IGSF3: variants seen among roughly 807,000 people sequenced by gnomAD.
IGSF3 encodes glu-Trp-Ile EWI motif-containing protein 3.
A neutral mutation model predicts 114.4 loss-of-function variants in IGSF3; 23 were observed. The observed-to-expected ratio is 0.20, with a 90% CI of 0.14 to 0.28. The LOEUF is 0.28. Ranked by LOEUF, IGSF3 falls within the 10% of genes least tolerant of loss-of-function variation. IGSF3 has a pLI of 1.00. For missense variants in IGSF3, 1,172 were observed against 1,591.5 expected, an observed-to-expected ratio of 0.74 and a Z score of 4.48; for synonymous variants, 571 against 645.2, an observed-to-expected ratio of 0.88 and a Z score of 1.74.
At chr1:116,640,115 C>G (rs953291826) in intron 2 of IGSF3, among the ~76,000 whole-genome samples, 1 of 142,216 alleles carries the variant, frequency 7.0e-6, no homozygotes, top group African/African-American at 2.6e-5. Flanking sequence ...GATTAAATAA[C>G]AAAAAATGCC....
At position 116,582,938 on chromosome 1, in the gene IGSF3, C is replaced by T. The variant is rs949446205; in HGVS notation, c.2848+1707G>A. ...AATCAGGGACAGATGGACAAAGGGACGGGAAGGCAGATTGATCCAGGCTTG... is the reference window on the plus strand; with the variant it reads ...AATCAGGGACAGATGGACAAAGGGATGGGAAGGCAGATTGATCCAGGCTTG... On this transcript the variant is annotated intron_variant, in intron 9 of 10. Coordinates refer to ENST00000369486, the MANE Select transcript of IGSF3 (RefSeq NM_001007237.3). This position sits in a 1 kb window ranked among gnomAD's most constrained non-coding sequence, Gnocchi z 4.7. 4.6e-5 allele frequency among the ~76,000 whole-genome samples: 7 copies of T among 152,114 alleles called. No individual in the cohort carries two copies. The highest frequency in any genetic ancestry group is 1.9e-4 in the East Asian group (1 of 5,194).
rs1410267380 is a variant in IGSF3 at position 116,661,917 on chromosome 1, C to T, written c.43+4367G>A. On this transcript the variant is annotated intron_variant, in intron 2 of 10. Transcript: ENST00000369486. This position sits in a 1 kb window ranked among gnomAD's most constrained non-coding sequence, Gnocchi z 4.0. ...GGAAGTATCCTTACATTAAGAGGTC[C>T]TACCCTTCACTAGCCTTTTCTTCCT... 6.6e-6 allele frequency among the ~76,000 whole-genome samples: 1 copy of T among 152,118 alleles called. No individual in the cohort carries two copies. Among genetic ancestry groups the T allele is most frequent in the Non-Finnish European group, 1.5e-5 (1 of 68,026 alleles).
In IGSF3 at chr1:116,613,795, C is replaced by T. The variant is rs200995544; in HGVS notation, c.802G>A (p.Glu268Lys). The T allele has an allele frequency of 1.5e-5, 24 of 1,613,956 alleles. No homozygotes were observed. In the Middle Eastern group the frequency reaches 5.0e-4, roughly 33 times the overall value. ...SWYAMTRKRS[E>K]GAVVNVQPTD... The stretch of plus-strand genomic sequence containing the variant: ...GGCTGGACGTTGACCACGGCTCCCT[C>T]GGAACGCTTTCGGGTCATAGCATAC... Residue 268 changes from glutamate (E) to lysine (K), a missense_variant, in exon 4 of 11, where the codon GAG becomes AAG. Glu to Lys is a moderately conservative substitution (Grantham distance 56). Transcript: ENST00000369486.
chr1:116,609,439 A>G (rs1660927264), intron 4 of IGSF3, among the ~76,000 whole-genome samples: 1 of 151,886 alleles, frequency 6.6e-6, no homozygotes, highest in South Asian at 2.1e-4. Flanking sequence ...GGGGTGACCA[A>G]AGAGGGGCTC....
rs200868901 is a variant in IGSF3, at chr1:116,614,912, G to C, written c.422-737C>G. ...ATAGCACCACCTTTCTGTCTGATGA[G>C]AGTACCCTAGTCACAACTAGTATGT... is the stretch of plus-strand genomic sequence containing the variant. On this transcript the variant is annotated intron_variant, in intron 3 of 10. Transcript: ENST00000369486. This position sits in a 1 kb window ranked among gnomAD's most constrained non-coding sequence, Gnocchi z 4.5. 1.3e-5 allele frequency among the ~76,000 whole-genome samples: 2 copies of C among 152,104 alleles called. No individual in the cohort carries two copies. The highest frequency in any genetic ancestry group is 4.8e-5 in the African/African-American group (2 of 41,412).
chr1:116,640,307 C>T (rs1421340198), intron 2 of IGSF3, among the ~76,000 whole-genome samples: 2 of 152,120 alleles, frequency 1.3e-5, no homozygotes, highest in African/African-American at 2.4e-5. Flanking sequence ...TTTGCCACAC[C>T]TGGTTTAGTT....
intron 2 of IGSF3, among the ~76,000 whole-genome samples, chr1:116,622,866 G>C (rs942643218): frequency 2.6e-5 from 4 of 152,238 alleles, no homozygotes; most frequent in African/African-American, 4.8e-5. Context: ...GTGAATATCA[G>C]TGAGAAGTAA....
In IGSF3 at chr1:116,654,443, G is replaced by A. The variant is rs1481396264; in HGVS notation, c.43+11841C>T. Among the ~76,000 whole-genome samples the A allele has an allele frequency of 6.6e-6, 1 of 152,188 alleles. No individual in the cohort carries two copies. The highest frequency in any genetic ancestry group is 1.5e-5 in the Non-Finnish European group (1 of 68,036). On this transcript the variant is annotated intron_variant, in intron 2 of 10. Transcript: ENST00000369486. This position sits in a 1 kb window ranked among gnomAD's most constrained non-coding sequence, Gnocchi z 4.4. Reference sequence around the variant, plus strand: ...AGGGTTAACCCCAGGTTGGGAGAGGGCATCTGGCAAGGAACAGACCTGGAA... The same window carrying A: ...AGGGTTAACCCCAGGTTGGGAGAGGACATCTGGCAAGGAACAGACCTGGAA...
Position 116,582,361 on chromosome 1 carries a change from G to A in IGSF3, c.2848+2284C>T, listed in dbSNP as rs902216304. Among the ~76,000 whole-genome samples the A allele has an allele frequency of 8.5e-5, 13 of 152,190 alleles. No individual in the cohort carries two copies. The highest frequency in any genetic ancestry group is 2.0e-4 in the Admixed American group (3 of 15,280). ...AGCTCCCCTGGATCTCACTGTGACCGCCAATTCCTGGCCTGTGTGTGATGA... is the reference window on the plus strand; with the variant it reads ...AGCTCCCCTGGATCTCACTGTGACCACCAATTCCTGGCCTGTGTGTGATGA... On this transcript the variant is annotated intron_variant, in intron 9 of 10. Transcript: ENST00000369486. The surrounding 1 kb of genome is among the most constrained non-coding windows in gnomAD (Gnocchi z 4.7).
Position 116,600,244 on chromosome 1 carries a change from C to T in IGSF3, c.1726G>A (p.Val576Ile), listed in dbSNP as rs751233283. 6.2e-6 allele frequency: 10 copies of T among 1,614,182 alleles called. No individual in the cohort carries two copies. The highest frequency in any genetic ancestry group is 8.5e-6 in the Non-Finnish European group (10 of 1,180,040). ...CIIKPHYPAW[V>I]PVSVTWRFQP... The stretch of plus-strand genomic sequence containing the variant: ...AACCGCCATGTCACCGACACGGGGA[C>T]CCAGGCAGGGTAGTGGGGTTTGATG... The change falls in exon 7 of 11, where the codon GTC becomes ATC. Residue 576 changes from valine to isoleucine, a missense_variant. Physicochemically the swap from Val to Ile is conservative, Grantham distance 29 (BLOSUM62 3). Transcript: ENST00000369486. This position sits in a 1 kb window ranked among gnomAD's most constrained non-coding sequence, Gnocchi z 5.5.
rs1176630110 is a variant in IGSF3 at position 116,615,964 on chromosome 1, A to G, written c.421+116T>C. On this transcript the variant is annotated intron_variant, in intron 3 of 10. Transcript: ENST00000369486. The surrounding 1 kb of genome is among the most constrained non-coding windows in gnomAD (Gnocchi z 4.3). ...TGTGCTATCTGTTGACCCCTAAAAT[A>G]TGTTGGGAGTTTTGGGATTTTTTTT... 1 of 752,178 alleles carries G rather than the reference A, an allele frequency of 1.3e-6. No individual in the cohort carries two copies. The highest frequency in any genetic ancestry group is 2.2e-6 in the Non-Finnish European group (1 of 459,430). 46.6% of individuals were successfully genotyped at this position (752,178 alleles called of 1,614,324 possible).
At position 116,661,210 on chromosome 1, in the gene IGSF3, G is replaced by A. The variant is rs773363440; in HGVS notation, c.43+5074C>T. ...CGGGAGGCTGAGGCAGGAGAATCGC[G>A]TGAACCCAGCAGGCGGAGGTTACGG... On this transcript the variant is annotated intron_variant, in intron 2 of 10. Coordinates refer to ENST00000369486, the MANE Select transcript of IGSF3 (RefSeq NM_001007237.3). The surrounding 1 kb of genome is among the most constrained non-coding windows in gnomAD (Gnocchi z 4.0). Among the ~76,000 whole-genome samples the A allele has an allele frequency of 3.9e-5, 6 of 152,212 alleles. No individual in the cohort carries two copies. Among genetic ancestry groups the A allele is most frequent in the Non-Finnish European group, 5.9e-5 (4 of 68,008 alleles).
rs1648460362 is a variant in IGSF3, at chr1:116,647,743, C to T, written c.43+18541G>A. On this transcript the variant is annotated intron_variant, in intron 2 of 10. Coordinates refer to ENST00000369486, the MANE Select transcript of IGSF3 (RefSeq NM_001007237.3). This position sits in a 1 kb window ranked among gnomAD's most constrained non-coding sequence, Gnocchi z 4.6. The stretch of plus-strand genomic sequence containing the variant: ...ACGAAAGGCCGACTGACAGACCACT[C>T]GGGTAGCACTTTTTCTGGGATTAAG... 1.3e-5 allele frequency among the ~76,000 whole-genome samples: 2 copies of T among 152,200 alleles called. No homozygotes were observed. The highest frequency in any genetic ancestry group is 6.5e-5 in the Admixed American group (1 of 15,280).
chr1:116,627,076 T>C lies in IGSF3; in HGVS notation c.44-10619A>G, dbSNP rs544080576. Among the ~76,000 whole-genome samples, 16 of 152,316 alleles carry C rather than the reference T, an allele frequency of 1.1e-4. No homozygotes were observed. The South Asian group carries it at 3.1e-3, about 30-fold the overall frequency. On this transcript the variant is annotated intron_variant, in intron 2 of 10. Coordinates refer to ENST00000369486, the MANE Select transcript of IGSF3 (RefSeq NM_001007237.3). The surrounding 1 kb of genome is among the most constrained non-coding windows in gnomAD (Gnocchi z 4.7). ...CTGTAAATGTTCTCCCTGTAATTAC[T>C]CTGACCGCTCTTTCTTTCCGTCCGG... is the stretch of plus-strand genomic sequence containing the variant.
At chr1:116,637,248 C>T (rs955333643) in intron 2 of IGSF3, among the ~76,000 whole-genome samples, 2 of 152,154 alleles carry the variant, frequency 1.3e-5, no homozygotes, top group Non-Finnish European at 2.9e-5. Context: ...AAGCACTATT[C>T]GAAAGTTCTT....
Position 116,666,309 on chromosome 1 carries a change from C to G in IGSF3, c.18G>C (p.Pro6=), listed in dbSNP as rs373177032. 6.2e-7 allele frequency: 1 copy of G among 1,614,090 alleles called. No homozygotes were observed. Among genetic ancestry groups the G allele is most frequent in the African/African-American group, 1.3e-5 (1 of 75,012 alleles). The part of the protein sequence containing the change: MKCFF[P]VLSCLAVLGV... ...CCAGCACAGCCAGACAGCTCAGCAC[C>G]GGGAAAAAGCACTTCATGTCGGCAG... The change falls in exon 2 of 11, where the codon CCG becomes CCC. Residue 6 remains proline (P), a synonymous_variant. Coordinates refer to ENST00000369486, the MANE Select transcript of IGSF3 (RefSeq NM_001007237.3).
intron 2 of IGSF3, among the ~76,000 whole-genome samples, chr1:116,641,788 A>T (rs1350470099): frequency 2.0e-5 from 3 of 151,912 alleles, no homozygotes; most frequent in Admixed American, 1.3e-4. Context: ...TAATTATCAA[A>T]TTCGTGTGTC....
At chr1:116,640,037 C>CAAAAAAA (rs34003833) in intron 2 of IGSF3, among the ~76,000 whole-genome samples, 11 of 65,258 alleles carry the variant, frequency 1.7e-4, no homozygotes, top group Non-Finnish European at 3.0e-4. Context: ...GACTCTATCT[C>CAAAAAAA]AAAAAAAAAA....
rs200330314 is a variant in IGSF3, at chr1:116,595,514, G to A, written c.2029+4427C>T. Among the ~76,000 whole-genome samples the A allele has an allele frequency of 7.2e-5, 11 of 152,116 alleles. No homozygotes were observed. The highest frequency in any genetic ancestry group is 1.9e-4 in the African/African-American group (8 of 41,402). On this transcript the variant is annotated intron_variant, in intron 7 of 10. Transcript: ENST00000369486. The surrounding 1 kb of genome is among the most constrained non-coding windows in gnomAD (Gnocchi z 4.2). The stretch of plus-strand genomic sequence containing the variant: ...AAGCCCTCTGCTATCCCAATCTGCC[G>A]GGTCAGCAATAAGAAATAGAAGAAA...
Sources: allele counts gnomAD v4.1 joint callset (sites outside exome capture counted in the v4.1 genomes callset), GRCh38; gene constraint gnomAD v4.1.1; non-coding constraint Gnocchi (gnomAD v3.1); transcripts MANE v1.5; gene names NCBI Gene and HGNC (gene_info 2026-07-23, HGNC 2026-07-21).